Variants in TENM3 observed in about 807,000 individuals in gnomAD.
TENM3 encodes teneurin-3.
Under a neutral mutation model 255.1 loss-of-function variants are expected in TENM3, and 63 were observed. The observed-to-expected ratio is 0.25, with a 90% CI of 0.20 to 0.30. The LOEUF is 0.30. TENM3 is among the 10% of genes least tolerant of loss of function. TENM3 has a pLI of 1.00. For missense variants in TENM3, 2,929 were observed against 3,461.1 expected (o/e 0.85, Z 3.86); for synonymous variants, 1,306 against 1,322.3 (o/e 0.99, Z 0.27).
At chr4:181,850,897 A>G in the TENM3 span, among the ~76,000 whole-genome samples, 4 of 152,134 alleles carry the variant, frequency 2.6e-5, no homozygotes, top group Admixed American at 2.0e-4. Flanking sequence ...ACTCCATTCC[A>G]CACGTCCAAA....
At chr4:182,785,710 GATA>G (rs1765590736) in intron 24 of TENM3, among the ~76,000 whole-genome samples, 3 of 15,264 alleles carry the variant, frequency 2.0e-4, no homozygotes, top group African/African-American at 7.3e-4. Context: ...CCTGTCTCAA[GATA>G]AAAAAAAAAA....
At chr4:181,736,625 T>A in the TENM3 span, among the ~76,000 whole-genome samples, 1 of 151,910 alleles carries the variant, frequency 6.6e-6, no homozygotes. Context: ...CAGGGCCACA[T>A]AGCTTTATGT....
intron 1 of TENM3, among the ~76,000 whole-genome samples, chr4:182,285,774 G>A (rs1419249407): frequency 1.3e-5 from 2 of 152,270 alleles, no homozygotes; most frequent in East Asian, 3.9e-4. Flanking sequence ...GGAGCTACCA[G>A]AGAAGCACAG....
At chr4:181,604,013 C>T in the TENM3 span, among the ~76,000 whole-genome samples, 211 of 152,238 alleles carry the variant, frequency 1.4e-3, no homozygotes, top group Non-Finnish European at 2.3e-3. Flanking sequence ...GCCTGTAATC[C>T]CAGCACTTTG....
At chr4:181,602,471 T>A in the TENM3 span, among the ~76,000 whole-genome samples, 1 of 152,206 alleles carries the variant, frequency 6.6e-6, no homozygotes, top group African/African-American at 2.4e-5. Flanking sequence ...TGCCAAGATT[T>A]TTTTTGAGTC....
chr4:181,473,914 A>G, the TENM3 span, among the ~76,000 whole-genome samples: 1 of 149,698 alleles, frequency 6.7e-6, no homozygotes, highest in Non-Finnish European at 1.5e-5. Flanking sequence ...TATACAGTAT[A>G]AAATATATAC....
At chr4:181,956,840 T>C in the TENM3 span, among the ~76,000 whole-genome samples, 1 of 152,204 alleles carries the variant, frequency 6.6e-6, no homozygotes. Context: ...CTACATATGA[T>C]TTAGATTAAC....
intron 3 of TENM3, among the ~76,000 whole-genome samples, chr4:182,473,181 A>C (rs1262359449): frequency 6.6e-6 from 1 of 152,030 alleles, no homozygotes. Flanking sequence ...TTATTGTTCA[A>C]CTTACTGTAC....
chr4:181,826,995 A>G, the TENM3 span, among the ~76,000 whole-genome samples: 1 of 152,198 alleles, frequency 6.6e-6, no homozygotes, highest in Admixed American at 6.5e-5. Context: ...CCAGGAGGCT[A>G]TGCTCTGATT....
At chr4:181,881,163 T>A in the TENM3 span, among the ~76,000 whole-genome samples, 1 of 152,140 alleles carries the variant, frequency 6.6e-6, no homozygotes, top group South Asian at 2.1e-4. Context: ...CCACATTCCC[T>A]GGAAGATTTA....
intron 1 of TENM3, among the ~76,000 whole-genome samples, chr4:182,302,428 C>T (rs1250636447): frequency 6.6e-6 from 1 of 152,206 alleles, no homozygotes; most frequent in Non-Finnish European, 1.5e-5. Flanking sequence ...TTTTATGAAG[C>T]ATCCACCAGT....
At chr4:182,648,652 C>T (rs1278447067) in intron 5 of TENM3, among the ~76,000 whole-genome samples, 2 of 152,074 alleles carry the variant, frequency 1.3e-5, no homozygotes, top group African/African-American at 4.8e-5. Flanking sequence ...GTGAACACAC[C>T]ATTGGAACCA....
At chr4:182,410,632 G>A (rs1264368069) in intron 3 of TENM3, among the ~76,000 whole-genome samples, 1 of 152,160 alleles carries the variant, frequency 6.6e-6, no homozygotes, top group East Asian at 1.9e-4. Flanking sequence ...AGATCTATTA[G>A]CATCAGTGCC....
the TENM3 span, among the ~76,000 whole-genome samples, chr4:181,682,850 G>A: frequency 3.3e-5 from 5 of 151,962 alleles, no homozygotes; most frequent in Non-Finnish European, 7.4e-5. Context: ...GTTACGGTCA[G>A]GCACATCCTG....
intron 3 of TENM3, among the ~76,000 whole-genome samples, chr4:182,515,353 A>T (rs1580798529): frequency 6.6e-6 from 1 of 152,106 alleles, no homozygotes; most frequent in South Asian, 2.1e-4. Context: ...TGTTTGCTGA[A>T]TTTTTTTGAA....
chr4:182,615,967 T>C (rs1749475806), intron 4 of TENM3, among the ~76,000 whole-genome samples: 1 of 152,226 alleles, frequency 6.6e-6, no homozygotes, highest in Non-Finnish European at 1.5e-5. Flanking sequence ...CCTAATACCT[T>C]ACTGCAGTGA....
At chr4:182,363,154 C>T (rs1181180490) in intron 3 of TENM3, among the ~76,000 whole-genome samples, 1 of 152,104 alleles carries the variant, frequency 6.6e-6, no homozygotes, top group Non-Finnish European at 1.5e-5. Flanking sequence ...AATTACACAT[C>T]CAGATTCTAA....
the TENM3 span, among the ~76,000 whole-genome samples, chr4:181,674,825 A>G: frequency 1.3e-5 from 2 of 152,096 alleles, no homozygotes; most frequent in Non-Finnish European, 2.9e-5. Context: ...AATTAACAGA[A>G]TTTTTGTGTA....
chr4:181,569,788 C>G, the TENM3 span, among the ~76,000 whole-genome samples: 1 of 152,096 alleles, frequency 6.6e-6, no homozygotes, highest in African/African-American at 2.4e-5. Flanking sequence ...CAGAAAAGAA[C>G]CAGGCTCCAG....
Sources: gnomAD v4.1 joint callset for allele counts (sites outside exome capture counted in the v4.1 genomes callset) on GRCh38, gnomAD v4.1.1 for gene constraint, MANE v1.5 for transcripts, NCBI Gene and HGNC (gene_info 2026-07-23, HGNC 2026-07-21) for gene names.